The following PIBF1 variants were observed in gnomAD, a reference collection of about 807,000 sequenced individuals.
PIBF1 encodes progesterone immunomodulatory binding factor 1.
In PIBF1, 90 loss-of-function variants were observed where a neutral mutation model predicts 112.5. The ratio of observed to expected loss-of-function variants is 0.80; its 90% CI spans 0.67 to 0.95. PIBF1 has a LOEUF of 0.95. Ranked by LOEUF, PIBF1 falls within the 40% of genes least tolerant of loss-of-function variation. The pLI, the probability that PIBF1 is intolerant of heterozygous loss-of-function variation, is 0.00. For synonymous variants in PIBF1, 301 were observed against 288.6 expected, an observed-to-expected ratio of 1.04 and a Z score of -0.44; for missense variants, 915 against 852.3, an observed-to-expected ratio of 1.07 and a Z score of -0.92.
intron 13 of PIBF1, among the ~76,000 whole-genome samples, chr13:72,922,042 C>T (rs1325344194): frequency 6.6e-6 from 1 of 152,170 alleles, no homozygotes; most frequent in Non-Finnish European, 1.5e-5. Context: ...TGCAGTGGCA[C>T]CATCATAGTT....
At chr13:72,972,472 T>A (rs1186554761) in intron 15 of PIBF1, among the ~76,000 whole-genome samples, 4 of 152,178 alleles carry the variant, frequency 2.6e-5, no homozygotes, top group Non-Finnish European at 5.9e-5. Context: ...GAGACCAGCC[T>A]GGCCAGCATG....
intron 10 of PIBF1, among the ~76,000 whole-genome samples, chr13:72,892,816 G>T: frequency 1.4e-5 from 1 of 71,420 alleles, no homozygotes; most frequent in Admixed American, 1.8e-4. Context: ...ACACGCACAC[G>T]CACACACACC....
intron 17 of PIBF1, among the ~76,000 whole-genome samples, chr13:73,002,555 G>A (rs1226347817): frequency 6.6e-6 from 1 of 151,990 alleles, no homozygotes; most frequent in Non-Finnish European, 1.5e-5. Flanking sequence ...CTGCTTTTCT[G>A]CTGCCATCCT....
intron 10 of PIBF1, among the ~76,000 whole-genome samples, chr13:72,862,372 G>A (rs2038732500): frequency 6.6e-6 from 1 of 152,204 alleles, no homozygotes; most frequent in Non-Finnish European, 1.5e-5. Context: ...GGGAGGCTGA[G>A]GCAAGAGAAT....
intron 11 of PIBF1, among the ~76,000 whole-genome samples, chr13:72,904,905 A>G (rs1246122544): frequency 1.3e-5 from 2 of 151,920 alleles, no homozygotes; most frequent in Non-Finnish European, 2.9e-5. Flanking sequence ...ATACACCATA[A>G]AGGGGGGTTG....
intron 16 of PIBF1, among the ~76,000 whole-genome samples, chr13:72,992,760 G>A (rs544912417): frequency 1.3e-5 from 2 of 151,978 alleles, no homozygotes; most frequent in Non-Finnish European, 2.9e-5. Context: ...AGCCAAAATC[G>A]CACCATTGCA....
intron 14 of PIBF1, among the ~76,000 whole-genome samples, chr13:72,958,003 A>G (rs1401953060): frequency 1.3e-5 from 2 of 151,930 alleles, no homozygotes; most frequent in Non-Finnish European, 2.9e-5. Context: ...TTGTTGTGGC[A>G]TGCACTATAG....
At chr13:72,952,572 T>C (rs2042328619) in intron 14 of PIBF1, among the ~76,000 whole-genome samples, 1 of 152,044 alleles carries the variant, frequency 6.6e-6, no homozygotes, top group African/African-American at 2.4e-5. Flanking sequence ...TTTCTTCTTA[T>C]TGGGGTAGAC....
chr13:73,014,729 T>C (rs1355998599), intron 17 of PIBF1, among the ~76,000 whole-genome samples: 1 of 151,274 alleles, frequency 6.6e-6, no homozygotes, highest in Non-Finnish European at 1.5e-5. Flanking sequence ...CTTGCTCTGT[T>C]GTCCAGGCTT....
chr13:72,848,360 A>G (rs2037965426), intron 9 of PIBF1, among the ~76,000 whole-genome samples: 1 of 152,170 alleles, frequency 6.6e-6, no homozygotes, highest in Admixed American at 6.5e-5. Context: ...GTAGGCAAAT[A>G]CATTCTACCC....
At chr13:72,871,198 C>T (rs2039148065) in intron 10 of PIBF1, among the ~76,000 whole-genome samples, 1 of 152,064 alleles carries the variant, frequency 6.6e-6, no homozygotes, top group Admixed American at 6.6e-5. Context: ...TGCCATCCTC[C>T]ATCCCTCACA....
chr13:73,008,402 CTCTTTTG>C (rs2044102637), intron 17 of PIBF1, among the ~76,000 whole-genome samples: 2 of 152,170 alleles, frequency 1.3e-5, no homozygotes, highest in Non-Finnish European at 1.5e-5. Flanking sequence ...TAGTAGAATT[CTCTTTTG>C]TCTTGCATAG....
intron 10 of PIBF1, among the ~76,000 whole-genome samples, chr13:72,863,462 T>C (rs1172180947): frequency 6.6e-6 from 1 of 150,662 alleles, no homozygotes; most frequent in Admixed American, 6.6e-5. Context: ...CCATCCTGGC[T>C]AACACGGTGA....
In PIBF1 at chr13:72,782,177, C is replaced by T. The variant is rs534669066; in HGVS notation, c.-220C>T. On this transcript the variant is annotated 5_prime_UTR_variant, in exon 1 of 18. Coordinates refer to ENST00000326291, the MANE Select transcript of PIBF1 (RefSeq NM_006346.4). ...TTGTGGGAGTGCTGGTTCTGTCCTC[C>T]TTGCGGGTGCGGAGATGGTTGTCTT... 2.0e-5 allele frequency: 5 copies of T among 252,362 alleles called. No individual in the cohort carries two copies. The highest frequency in any genetic ancestry group is 1.4e-4 in the East Asian group (2 of 14,650). 15.6% of individuals were successfully genotyped at this position (252,362 alleles called of 1,614,324 possible). A position where few individuals can be genotyped will look rare whatever the true frequency, so the allele number is the denominator to read the frequency against.
At chr13:72,813,596 C>T (rs1021221372) in intron 5 of PIBF1, among the ~76,000 whole-genome samples, 3 of 152,160 alleles carry the variant, frequency 2.0e-5, no homozygotes, top group African/African-American at 4.8e-5. Context: ...CACTTGGCCT[C>T]TTCATGTGAT....
chr13:72,905,964 T>C (rs1181029046), intron 11 of PIBF1, among the ~76,000 whole-genome samples: 1 of 152,210 alleles, frequency 6.6e-6, no homozygotes, highest in African/African-American at 2.4e-5. Flanking sequence ...TCATTTATCA[T>C]TGTGTCAGCA....
chr13:72,851,151 A>G (rs2038130013), intron 9 of PIBF1, among the ~76,000 whole-genome samples: 1 of 152,194 alleles, frequency 6.6e-6, no homozygotes, highest in Non-Finnish European at 1.5e-5. Flanking sequence ...CCACTGAGCC[A>G]GCAGGAGCCG....
At chr13:72,901,942 A>C (rs2040503472) in intron 11 of PIBF1, among the ~76,000 whole-genome samples, 1 of 151,430 alleles carries the variant, frequency 6.6e-6, no homozygotes, top group Admixed American at 6.6e-5. Flanking sequence ...ACAATTGCAA[A>C]ATCGTGGAAC....
At chr13:72,936,081 G>A (rs531370400) in intron 14 of PIBF1, among the ~76,000 whole-genome samples, 16 of 151,934 alleles carry the variant, frequency 1.1e-4, no homozygotes, top group Admixed American at 2.6e-4. Flanking sequence ...AGGTTGGAGC[G>A]CAGTGGTGTA....
Sources: allele counts gnomAD v4.1 joint callset (sites outside exome capture counted in the v4.1 genomes callset), GRCh38; gene constraint gnomAD v4.1.1; transcripts MANE v1.5; gene names NCBI Gene and HGNC (gene_info 2026-07-23, HGNC 2026-07-21).